Variants in WSCD1 observed in about 807,000 individuals in gnomAD.
WSCD1 encodes WSC domain sialate O sulfotransferase 1, also known as sialate:O-sulfotransferase 1.
A neutral mutation model predicts 60.4 loss-of-function variants in WSCD1; 41 were observed. The ratio of observed to expected loss-of-function variants is 0.68; its 90% CI spans 0.53 to 0.88. The LOEUF (loss-of-function observed/expected upper bound fraction) is 0.88, where lower values mean the gene tolerates loss of function less well. Among genes scored for constraint, WSCD1 ranks in the 40% least tolerant of loss-of-function variants. WSCD1 has a pLI of 0.00. For missense variants in WSCD1, 784 were observed against 796.2 expected (o/e 0.98, Z 0.18); for synonymous variants, 361 against 332.5 (o/e 1.09, Z -0.93).
chr17:6,093,875 T>G (rs1200875813), intron 4 of WSCD1, among the ~76,000 whole-genome samples: 1 of 152,194 alleles, frequency 6.6e-6, no homozygotes, highest in Non-Finnish European at 1.5e-5. Context: ...CCCTAAGCCC[T>G]GGTGTTTTCC....
intron 7 of WSCD1, 81 bp downstream of exon 7, chr17:6,111,016 A>C: frequency 2.0e-6 from 3 of 1,501,436 alleles, no homozygotes; most frequent in Non-Finnish European, 2.7e-6. Flanking sequence ...TTCTCAGAGC[A>C]CTAGAGCAGT....
chr17:6,105,152 C>A (rs1911013952), intron 5 of WSCD1, among the ~76,000 whole-genome samples: 1 of 152,174 alleles, frequency 6.6e-6, no homozygotes, highest in African/African-American at 2.4e-5. Context: ...TGAGTCATGA[C>A]CTTGCTCTAG....
intron 7 of WSCD1, among the ~76,000 whole-genome samples, chr17:6,114,725 CA>C (rs1319957610): frequency 1.3e-5 from 2 of 151,562 alleles, no homozygotes; most frequent in Non-Finnish European, 2.9e-5. Context: ...GCAGAATGTG[CA>C]GGTTTGTTAC....
chr17:6,081,465 C>G (rs1330935169), intron 2 of WSCD1, among the ~76,000 whole-genome samples: 1 of 152,040 alleles, frequency 6.6e-6, no homozygotes, highest in Non-Finnish European at 1.5e-5. Context: ...AATCCCAGCA[C>G]TTTGGGAGAC....
chr17:6,104,572 CAT>C (rs1272292586), intron 5 of WSCD1, among the ~76,000 whole-genome samples: 1 of 152,232 alleles, frequency 6.6e-6, no homozygotes, highest in African/African-American at 2.4e-5. Context: ...GCCAACCTGA[CAT>C]ATGCCTGAAA....
chr17:6,090,268 G>A (rs574982978), intron 3 of WSCD1, 53 bp from the exon 4 acceptor site: 684 of 1,492,778 alleles, frequency 4.6e-4, no homozygotes, highest in Non-Finnish European at 5.7e-4. Context: ...AGTTTAGACC[G>A]CAGCCCTAGC....
At chr17:6,099,524 A>C (rs1028805883) in intron 5 of WSCD1, among the ~76,000 whole-genome samples, 15 of 151,958 alleles carry the variant, frequency 9.9e-5, no homozygotes, top group African/African-American at 2.9e-4. Context: ...CAAAAACAAA[A>C]AAAAAAAGAG....
chr17:6,112,094 A>G (rs184390887), intron 7 of WSCD1, among the ~76,000 whole-genome samples: 147 of 152,352 alleles, frequency 9.6e-4, no homozygotes, highest in African/African-American at 3.3e-3. Context: ...ACAAAAGTTT[A>G]CAGCAATAAA....
intron 5 of WSCD1, among the ~76,000 whole-genome samples, chr17:6,096,485 G>A (rs1910441762): frequency 6.6e-6 from 1 of 152,174 alleles, no homozygotes; most frequent in Non-Finnish European, 1.5e-5. Context: ...GAGGGGGCTG[G>A]AGGGGGCTTT....
chr17:6,080,597 C>T lies in WSCD1; in HGVS notation c.-62C>T. On this transcript the variant is annotated 5_prime_UTR_variant, in exon 2 of 9. Coordinates refer to ENST00000317744, the MANE Select transcript of WSCD1 (RefSeq NM_015253.2). The surrounding 1 kb of genome is among the most constrained non-coding windows in gnomAD (Gnocchi z 6.6). ...GACGCCTCCGGAGGCCCTGGCCTCA[C>T]TCCCACCTGGGCGCTAGGAGCCATC... 6.3e-7 allele frequency: 1 copy of T among 1,580,452 alleles called. No homozygotes were observed. Among genetic ancestry groups the T allele is most frequent in the South Asian group, 1.1e-5 (1 of 88,220 alleles).
intron 8 of WSCD1, among the ~76,000 whole-genome samples, chr17:6,119,551 G>A (rs1220422354): frequency 1.3e-5 from 2 of 152,234 alleles, no homozygotes; most frequent in Non-Finnish European, 2.9e-5. Flanking sequence ...GGATCACCCA[G>A]TGGGTGGCCT....
At position 6,080,852 on chromosome 17, in the gene WSCD1, G is replaced by A; in HGVS notation, c.194G>A (p.Gly65Asp). ...LPVAAVALGV[G>D]LLDSRALHDP... ...GTGGCCGCCGTGGCGCTGGGCGTGG[G>A]CTTGCTGGACAGCAGAGCCCTGCAC... Residue 65 changes from glycine to aspartate, a missense_variant, in exon 2 of 9, where the codon GGC (glycine) becomes GAC (aspartate). Physicochemically the swap from Gly to Asp is moderately conservative, Grantham distance 94. Transcript: ENST00000317744. The surrounding 1 kb of genome is among the most constrained non-coding windows in gnomAD (Gnocchi z 6.6). 1 of 1,606,408 alleles carries A rather than the reference G, an allele frequency of 6.2e-7. No homozygotes were observed. The highest frequency in any genetic ancestry group is 8.5e-7 in the Non-Finnish European group (1 of 1,178,420).
At chr17:6,084,661 T>C (rs746997028) in intron 2 of WSCD1, 1 of 152,272 alleles carries the variant, frequency 6.6e-6, no homozygotes, top group Non-Finnish European at 1.5e-5. Context: ...TTATTGATAG[T>C]AATTTCCAAA....
Position 6,110,271 on chromosome 17 carries a change from G to A in WSCD1, c.1010-500G>A, listed in dbSNP as rs965771221. 6.6e-6 allele frequency among the ~76,000 whole-genome samples: 1 copy of A among 152,180 alleles called. No homozygotes were observed. Among genetic ancestry groups the A allele is most frequent in the African/African-American group, 2.4e-5 (1 of 41,436 alleles). On this transcript the variant is annotated intron_variant, in intron 6 of 8. Coordinates refer to ENST00000317744, the MANE Select transcript of WSCD1 (RefSeq NM_015253.2). This position sits in a 1 kb window ranked among gnomAD's most constrained non-coding sequence, Gnocchi z 4.8. The stretch of plus-strand genomic sequence containing the variant: ...GCCTACTGTGACCCAGCATGGCCCT[G>A]GATGTTTTGGGGCTTTCCCCTGGTG...
At chr17:6,094,185 G>A (rs1910239895) in intron 4 of WSCD1, among the ~76,000 whole-genome samples, 1 of 152,226 alleles carries the variant, frequency 6.6e-6, no homozygotes, top group Non-Finnish European at 1.5e-5. Flanking sequence ...ATTCCAGAAA[G>A]TTTGTTCAGC....
intron 5 of WSCD1, among the ~76,000 whole-genome samples, chr17:6,097,635 C>T (rs1181890217): frequency 6.6e-6 from 1 of 152,244 alleles, no homozygotes; most frequent in African/African-American, 2.4e-5. Context: ...CCAGCCTTCA[C>T]AAACGATGCG....
chr17:6,069,144 A>G (rs747756855), upstream of WSCD1: 1 of 398,270 alleles, frequency 2.5e-6, no homozygotes, highest in Non-Finnish European at 4.4e-6. Flanking sequence ...AAGAGGCACC[A>G]CCACCTGCTC....
At chr17:6,069,394 T>C (rs868507528), upstream of WSCD1, 25 of 266,670 alleles carry the variant, frequency 9.4e-5, no homozygotes, top group Middle Eastern at 8.1e-4. Flanking sequence ...TCGGTGCGTG[T>C]GTGTGTGTGT....
At chr17:6,069,428 TGAGA>T (rs71154637), upstream of WSCD1, 18,682 of 228,412 alleles carry the variant, frequency 0.082, 284 homozygotes, top group Middle Eastern at 0.14. Context: ...TGTGTGTGTG[TGAGA>T]GAGAGAGAGA....
Sources: allele counts gnomAD v4.1 joint callset (sites outside exome capture counted in the v4.1 genomes callset), GRCh38; gene constraint gnomAD v4.1.1; non-coding constraint Gnocchi (gnomAD v3.1); transcripts MANE v1.5; gene names NCBI Gene and HGNC (gene_info 2026-07-23, HGNC 2026-07-21).